Variants in DDX28 observed in about 807,000 individuals in gnomAD.
The protein encoded by DDX28 is probable ATP-dependent RNA helicase DDX28.
Under a neutral mutation model 26.8 loss-of-function variants are expected in DDX28, and 25 were observed. The observed-to-expected ratio is 0.93, with a 90% confidence interval of 0.68 to 1.30. The LOEUF is 1.30. Ranked by LOEUF, DDX28 falls within the 50% of genes most tolerant of loss-of-function variation. The pLI, the probability that DDX28 is intolerant of heterozygous loss-of-function variation, is 0.00. For missense variants in DDX28, 790 were observed against 695.1 expected, an observed-to-expected ratio of 1.14 and a Z score of -1.53; for synonymous variants, 370 against 311.9, an observed-to-expected ratio of 1.19 and a Z score of -1.96.
rs372234682 is a variant in DDX28, at chr16:68,022,653, G to A, written c.550C>T (p.Leu184=). 3.1e-6 allele frequency: 5 copies of A among 1,612,946 alleles called. No homozygotes were observed. Among genetic ancestry groups the A allele is most frequent in the Middle Eastern group, 1.6e-4 (1 of 6,082 alleles). ...CCCAAGAGCCGTTGAAGCAGCGGCA[G>A]GAGGTAGCTGAGAGTCTTGCCACTG... ...TGSGKTLSYL[L]PLLQRLLGQP... Residue 184 remains leucine, a synonymous_variant, in exon 1 of 1, where the codon CTG becomes TTG. Coordinates refer to ENST00000332395, the MANE Select transcript of DDX28 (RefSeq NM_018380.4).
chr16:68,021,771 G>C lies in DDX28; in HGVS notation c.1432C>G (p.Leu478Val). The C allele has an allele frequency of 1.2e-6, 2 of 1,614,172 alleles. No homozygotes were observed. Among genetic ancestry groups the C allele is most frequent in the Non-Finnish European group, 1.7e-6 (2 of 1,180,034 alleles). ...CCTGCTCTGTGGATGTAATCTTGCA[G>C]CGTTGGGGGGAAATCATAATTGACA... is the stretch of plus-strand genomic sequence containing the variant. ...LVVNYDFPPTLQDYIHRAGRV... is the reference protein window; with the variant it reads ...LVVNYDFPPTVQDYIHRAGRV... The change falls in exon 1 of 1, where the codon CTG becomes GTG. Residue 478 changes from leucine (L) to valine (V), a missense_variant. Transcript: ENST00000332395.
At position 68,023,095 on chromosome 16, in the gene DDX28, C is replaced by A; in HGVS notation, c.108G>T (p.Val36=). 6.2e-7 allele frequency: 1 copy of A among 1,602,704 alleles called. No individual in the cohort carries two copies. Among genetic ancestry groups the A allele is most frequent in the Non-Finnish European group, 8.5e-7 (1 of 1,179,810 alleles). ...VRSPDEPLPV[V]RIPVALQRQL... is the part of the protein sequence containing the mutation. ...GCCGCTGTAGAGCCACTGGGATGCG[C>A]ACCACCGGCAGGGGTTCGTCGGGAC... is the stretch of plus-strand genomic sequence containing the variant. The change falls in exon 1 of 1, where the codon GTG becomes GTT. Residue 36 remains valine, a synonymous_variant. Coordinates refer to ENST00000332395, the MANE Select transcript of DDX28 (RefSeq NM_018380.4).
chr16:68,022,860 C>T lies in DDX28; in HGVS notation c.343G>A (p.Glu115Lys). Residue 115 changes from glutamate to lysine, a missense_variant, in exon 1 of 1, where the codon GAG becomes AAG. Coordinates refer to ENST00000332395, the MANE Select transcript of DDX28 (RefSeq NM_018380.4). Reference protein sequence around the residue: ...DHFSIERAQQEAPAVRKLSSK... With the variant: ...DHFSIERAQQKAPAVRKLSSK... ...GAGAGCTTTCGCACCGCTGGCGCCTCCTGTTGCGCGCGCTCGATGGAGAAG... is the reference window on the plus strand; with the variant it reads ...GAGAGCTTTCGCACCGCTGGCGCCTTCTGTTGCGCGCGCTCGATGGAGAAG... The T allele has an allele frequency of 1.9e-6, 3 of 1,575,546 alleles. No individual in the cohort carries two copies. Among genetic ancestry groups the T allele is most frequent in the Non-Finnish European group, 1.7e-6 (2 of 1,160,860 alleles).
Position 68,023,019 on chromosome 16 carries a change from C to G in DDX28, c.184G>C (p.Val62Leu). The G allele has an allele frequency of 1.9e-6, 3 of 1,582,250 alleles. No individual in the cohort carries two copies. The South Asian group carries it at 3.4e-5, about 18-fold the overall frequency. The change falls in exon 1 of 1, where the codon GTT becomes CTT. Residue 62 changes from valine to leucine, a missense_variant. By Grantham distance (32) the Val-to-Leu change is conservative. Coordinates refer to ENST00000332395, the MANE Select transcript of DDX28 (RefSeq NM_018380.4). ...GAAACCAGCAGCGGTCCGGGTCGAA[C>G]CAGCACCGGCCTCGGGAGGTTCCGC... The part of the protein sequence containing the change: ...RRRNLPRPVL[V>L]RPGPLLVSAR...
Position 68,021,991 on chromosome 16 carries a change from A to G in DDX28, c.1212T>C (p.Cys404=). The change falls in exon 1 of 1, where the codon TGT becomes TGC. Residue 404 remains cysteine, a synonymous_variant. Transcript: ENST00000332395. The part of the protein sequence containing the change: ...TGPSGTVLVF[C]NSSSTVNWLG... ...GCCAGTTCACAGTGCTGGAGCTATT[A>G]CAGAACACCAGAACAGTTCCTGAGG... The G allele has an allele frequency of 6.2e-7, 1 of 1,614,210 alleles. No individual in the cohort carries two copies. The highest frequency in any genetic ancestry group is 8.5e-7 in the Non-Finnish European group (1 of 1,180,032).
chr16:68,022,782 G>C lies in DDX28; in HGVS notation c.421C>G (p.Leu141Val). The C allele has an allele frequency of 6.2e-7, 1 of 1,606,500 alleles. No individual in the cohort carries two copies. The highest frequency in any genetic ancestry group is 2.2e-5 in the East Asian group (1 of 44,738). The change falls in exon 1 of 1, where the codon CTA becomes GTA. Residue 141 changes from leucine to valine, a missense_variant. Physicochemically the swap from Leu to Val is conservative, Grantham distance 32. Transcript: ENST00000332395. ...ACGACTTCAGGCGCAGCCTCCTGTA[G>C]TGCGTGCAGCACACGGGGCTCCAGG... is the stretch of plus-strand genomic sequence containing the variant. ...LGLEPRVLHA[L>V]QEAAPEVVQP...
rs148667764 is a variant in DDX28 at position 68,021,541 on chromosome 16, C to T, written c.*39G>A. 64 of 1,582,094 alleles carry T rather than the reference C, an allele frequency of 4.0e-5. No homozygotes were observed. The East Asian group carries it at 1.4e-3, about 34-fold the overall frequency. ...ACCCACTCAAGATACTGGGAAAGAT[C>T]CCTGTTCTAGCATCACATTTTAATC... On this transcript the variant is annotated 3_prime_UTR_variant, in exon 1 of 1. Transcript: ENST00000332395.
chr16:68,022,998 C>G lies in DDX28; in HGVS notation c.205G>C (p.Val69Leu), dbSNP rs2033276186. Residue 69 changes from valine (V) to leucine (L), a missense_variant, in exon 1 of 1, where the codon GTT (valine) becomes CTT (leucine). By Grantham distance (32) the Val-to-Leu change is conservative. Coordinates refer to ENST00000332395, the MANE Select transcript of DDX28 (RefSeq NM_018380.4). The part of the protein sequence containing the change: ...PVLVRPGPLL[V>L]SARRPELNQP... ...TTCAACTCCGGCCGCCGCGCCGAAA[C>G]CAGCAGCGGTCCGGGTCGAACCAGC... 3 of 1,566,620 alleles carry G rather than the reference C, an allele frequency of 1.9e-6. No individual in the cohort carries two copies. Among genetic ancestry groups the G allele is most frequent in the South Asian group, 1.1e-5 (1 of 87,816 alleles).
rs2033235677 is a variant in DDX28, at chr16:68,021,384, A to G, written c.*196T>C. 1 of 603,026 alleles carries G rather than the reference A, an allele frequency of 1.7e-6. No individual in the cohort carries two copies. Among genetic ancestry groups the G allele is most frequent in the East Asian group, 2.8e-5 (1 of 35,766 alleles). The allele number at this position is 603,026 out of a possible 1,614,324, so 37.4% of individuals were successfully genotyped here. Reference sequence around the variant, plus strand: ...ATCCACTTGTGTCTTGCTAAAGACTACAGAAAGCCATGCTCAGCAGCTTCT... The same window carrying G: ...ATCCACTTGTGTCTTGCTAAAGACTGCAGAAAGCCATGCTCAGCAGCTTCT... On this transcript the variant is annotated 3_prime_UTR_variant, in exon 1 of 1. Coordinates refer to ENST00000332395, the MANE Select transcript of DDX28 (RefSeq NM_018380.4).
chr16:68,021,996 A>T lies in DDX28; in HGVS notation c.1207T>A (p.Phe403Ile), dbSNP rs1259003723. The change falls in exon 1 of 1, where the codon TTC (phenylalanine) becomes ATC (isoleucine). Residue 403 changes from phenylalanine (F) to isoleucine (I), a missense_variant. Physicochemically the swap from Phe to Ile is conservative, Grantham distance 21 (BLOSUM62 0). Transcript: ENST00000332395. Reference sequence around the variant, plus strand: ...TTCACAGTGCTGGAGCTATTACAGAACACCAGAACAGTTCCTGAGGGACCA... The same window carrying T: ...TTCACAGTGCTGGAGCTATTACAGATCACCAGAACAGTTCCTGAGGGACCA... ...RTGPSGTVLV[F>I]CNSSSTVNWL... 1 of 1,614,006 alleles carries T rather than the reference A, an allele frequency of 6.2e-7. No individual in the cohort carries two copies. The highest frequency in any genetic ancestry group is 8.5e-7 in the Non-Finnish European group (1 of 1,180,038).
chr16:68,021,997 C>T lies in DDX28; in HGVS notation c.1206G>A (p.Val402=). The change falls in exon 1 of 1, where the codon GTG becomes GTA. Residue 402 remains valine, a synonymous_variant. Transcript: ENST00000332395. ...TCACAGTGCTGGAGCTATTACAGAA[C>T]ACCAGAACAGTTCCTGAGGGACCAG... ...ERTGPSGTVL[V]FCNSSSTVNW... 2 of 1,614,196 alleles carry T rather than the reference C, an allele frequency of 1.2e-6. No homozygotes were observed. Among genetic ancestry groups the T allele is most frequent in the Non-Finnish European group, 8.5e-7 (1 of 1,180,042 alleles).
Position 68,022,146 on chromosome 16 carries a change from T to A in DDX28, c.1057A>T (p.Ile353Phe). The A allele has an allele frequency of 6.2e-7, 1 of 1,614,192 alleles. No individual in the cohort carries two copies. The highest frequency in any genetic ancestry group is 8.5e-7 in the Non-Finnish European group (1 of 1,180,030). The part of the protein sequence containing the change: ...KVASPDAVTT[I>F]TSSKLHCIMP... ...ATACAGTGGAGCTTGGAGCTGGTGA[T>A]GGTGGTGACAGCATCTGGGCTGGCG... Residue 353 changes from isoleucine (I) to phenylalanine (F), a missense_variant, in exon 1 of 1, where the codon ATC becomes TTC. By Grantham distance (21) the Ile-to-Phe change is conservative. Transcript: ENST00000332395.
chr16:68,021,602 TCTTTCACCGAGGATGCTAGTCCTGGAAGA>T lies in DDX28; in HGVS notation c.1572_1600del (p.Ser524ArgfsTer17). ...AAATCAGGTTGCTTGGGGCAAAGGC[TCTTTCACCGAGGATGCTAGTCCTGGAAGA>T]CTTCTCCTTCGGCGAGCCGCCAGCT... On this transcript the variant is annotated frameshift_variant, in exon 1 of 1. Transcript: ENST00000332395. LOFTEE classifies it high-confidence loss of function. 2 of 1,613,870 alleles carry T rather than the reference TCTTTCACCGAGGATGCTAGTCCTGGAAGA, an allele frequency of 1.2e-6. No individual in the cohort carries two copies. Among genetic ancestry groups the T allele is most frequent in the Non-Finnish European group, 1.7e-6 (2 of 1,179,766 alleles).
At position 68,021,674 on chromosome 16, in the gene DDX28, C is replaced by T. The variant is rs1355035842; in HGVS notation, c.1529G>A (p.Ser510Asn). 1.2e-6 allele frequency: 2 copies of T among 1,614,138 alleles called. No individual in the cohort carries two copies. The highest frequency in any genetic ancestry group is 1.1e-5 in the South Asian group (1 of 91,090). The stretch of plus-strand genomic sequence containing the variant: ...CGCCAGCTCAATCTTCTGAACCAGG[C>T]TCACATCCCAGGGATGGGTCACAAA... ...ISFVTHPWDVSLVQKIELAAR... is the reference protein window; with the variant it reads ...ISFVTHPWDVNLVQKIELAAR... The change falls in exon 1 of 1, where the codon AGC (serine) becomes AAC (asparagine). Residue 510 changes from serine (S) to asparagine (N), a missense_variant. Coordinates refer to ENST00000332395, the MANE Select transcript of DDX28 (RefSeq NM_018380.4).
Position 68,021,878 on chromosome 16 carries a change from G to A in DDX28, c.1325C>T (p.Ser442Phe). 1.2e-6 allele frequency: 2 copies of A among 1,614,184 alleles called. No homozygotes were observed. The highest frequency in any genetic ancestry group is 1.7e-6 in the Non-Finnish European group (2 of 1,180,034). Residue 442 changes from serine to phenylalanine, a missense_variant, in exon 1 of 1, where the codon TCC (serine) becomes TTC (phenylalanine). Physicochemically the swap from Ser to Phe is radical, Grantham distance 155. Coordinates refer to ENST00000332395, the MANE Select transcript of DDX28 (RefSeq NM_018380.4). The stretch of plus-strand genomic sequence containing the variant: ...TATGTCTCGGGAGCTCTTCTGGAAG[G>A]ACTGGAAGATTCCTACCCTCATCAA... ...PALMRVGIFQ[S>F]FQKSSRDILL...
chr16:68,021,479 C>T lies in DDX28; in HGVS notation c.*101G>A, dbSNP rs2033237057. On this transcript the variant is annotated 3_prime_UTR_variant, in exon 1 of 1. Coordinates refer to ENST00000332395, the MANE Select transcript of DDX28 (RefSeq NM_018380.4). ...GTTCATCCCGCCCTCAAGGAGCCGA[C>T]AGGGCAGCCCAGAGCCTCCCACTGA... 2 of 1,331,858 alleles carry T rather than the reference C, an allele frequency of 1.5e-6. No homozygotes were observed. The highest frequency in any genetic ancestry group is 2.1e-6 in the Non-Finnish European group (2 of 974,304). The allele number at this position is 1,331,858 out of a possible 1,614,324, so 82.5% of individuals were successfully genotyped here.
chr16:68,022,702 A>C lies in DDX28; in HGVS notation c.501T>G (p.His167Gln). 1 of 1,613,268 alleles carries C rather than the reference A, an allele frequency of 6.2e-7. No homozygotes were observed. Among genetic ancestry groups the C allele is most frequent in the Non-Finnish European group, 8.5e-7 (1 of 1,179,994 alleles). Residue 167 changes from histidine (H) to glutamine (Q), a missense_variant, in exon 1 of 1, where the codon CAT becomes CAG. His to Gln is a conservative substitution (Grantham distance 24). Transcript: ENST00000332395. ...STIPSLLRGR[H>Q]VVCAAETGSG... ...TGCCGGTTTCTGCGGCGCAAACGAC[A>C]TGGCGGCCGCGAAGTAGTGAGGGGA... is the stretch of plus-strand genomic sequence containing the variant.
rs753328347 is a variant in DDX28, at chr16:68,022,633, G to A, written c.570C>T (p.Leu190=). ...LSYLLPLLQR[L]LGQPSLDSLP... ...GGGAGTCCAGGCTTGGCTGGCCCAA[G>A]AGCCGTTGAAGCAGCGGCAGGAGGT... The change falls in exon 1 of 1, where the codon CTC becomes CTT. Residue 190 remains leucine, a synonymous_variant. Transcript: ENST00000332395. 3.6e-5 allele frequency: 58 copies of A among 1,613,094 alleles called. No individual in the cohort carries two copies. The highest frequency in any genetic ancestry group is 4.7e-5 in the Non-Finnish European group (55 of 1,179,846).
In DDX28 at chr16:68,022,557, C is replaced by G. The variant is rs779581091; in HGVS notation, c.646G>C (p.Ala216Pro). ...GLVLVPSRELAQQVRAVAQPL... is the reference protein window; with the variant it reads ...GLVLVPSRELPQQVRAVAQPL... ...TGGGCCACAGCCCGCACCTGTTGGG[C>G]CAATTCTCGGGAAGGAACAAGGACC... Residue 216 changes from alanine (A) to proline (P), a missense_variant, in exon 1 of 1, where the codon GCC becomes CCC. Ala to Pro is a conservative substitution (Grantham distance 27). Coordinates refer to ENST00000332395, the MANE Select transcript of DDX28 (RefSeq NM_018380.4). The G allele has an allele frequency of 4.6e-5, 74 of 1,613,852 alleles. No individual in the cohort carries two copies. Among genetic ancestry groups the G allele is most frequent in the Non-Finnish European group, 6.2e-5 (73 of 1,180,028 alleles).
Sources: gnomAD v4.1 joint callset for allele counts on GRCh38, gnomAD v4.1.1 for gene constraint, MANE v1.5 for transcripts, NCBI Gene and HGNC (gene_info 2026-07-23, HGNC 2026-07-21) for gene names.